The following NECAB1 variants were observed in gnomAD, a reference collection of about 807,000 sequenced individuals.
NECAB1 encodes N-terminal EF-hand calcium binding protein 1, also known as N-terminal EF-hand calcium-binding protein 1.
NECAB1 carries 29 observed loss-of-function variants against 57.5 expected under a neutral mutation model. The observed-to-expected ratio is 0.50, with a 90% CI of 0.38 to 0.69. NECAB1 has a LOEUF of 0.69. NECAB1 is among the 30% of genes least tolerant of loss of function. NECAB1 has a pLI of 0.00. For synonymous variants in NECAB1, 142 were observed against 147.7 expected, an observed-to-expected ratio of 0.96 and a Z score of 0.28; for missense variants, 372 against 413.8, an observed-to-expected ratio of 0.90 and a Z score of 0.88.
chr8:90,860,547 A>G (rs1488654716), intron 3 of NECAB1, among the ~76,000 whole-genome samples: 1 of 152,142 alleles, frequency 6.6e-6, no homozygotes, highest in Non-Finnish European at 1.5e-5. Flanking sequence ...TCAAGGATAG[A>G]TTTAGGACAT....
intron 5 of NECAB1, among the ~76,000 whole-genome samples, chr8:90,892,546 T>C (rs1345231951): frequency 6.6e-6 from 1 of 152,250 alleles, no homozygotes; most frequent in African/African-American, 2.4e-5. Flanking sequence ...GTCATATTTG[T>C]ACCCCCTTTA....
chr8:90,875,282 C>T (rs1417687429), intron 4 of NECAB1, among the ~76,000 whole-genome samples: 1 of 149,888 alleles, frequency 6.7e-6, no homozygotes, highest in Non-Finnish European at 1.5e-5. Flanking sequence ...GAGATCGAGA[C>T]CATCCTGGCT....
chr8:90,813,412 A>G (rs982813906), intron 2 of NECAB1, among the ~76,000 whole-genome samples: 3 of 152,074 alleles, frequency 2.0e-5, no homozygotes, highest in African/African-American at 7.2e-5. Context: ...TTATATTTCA[A>G]TATCTAATAT....
intron 5 of NECAB1, among the ~76,000 whole-genome samples, chr8:90,910,268 T>A (rs1021806996): frequency 6.6e-6 from 1 of 152,158 alleles, no homozygotes; most frequent in Non-Finnish European, 1.5e-5. Flanking sequence ...GGGTCTGTTT[T>A]GTCATCTTGT....
intron 1 of NECAB1, among the ~76,000 whole-genome samples, chr8:90,793,019 G>C (rs940892314): frequency 6.6e-6 from 1 of 152,166 alleles, no homozygotes; most frequent in South Asian, 2.1e-4. Flanking sequence ...ATGGAGGAGT[G>C]CTACGTGCTC....
rs565703642 is a variant in NECAB1 at position 90,935,790 on chromosome 8, G to A, written c.747+1433G>A. 4.6e-5 allele frequency among the ~76,000 whole-genome samples: 7 copies of A among 152,188 alleles called. No individual in the cohort carries two copies. In the South Asian group the frequency reaches 1.5e-3, roughly 32 times the overall value. ...AAAGGAGGCAGCTATTCCATTTGCA[G>A]GTCCCTGAGCAGCCAAAGCCAAGGC... On this transcript the variant is annotated intron_variant, in intron 9 of 12. Transcript: ENST00000417640.
intron 3 of NECAB1, among the ~76,000 whole-genome samples, chr8:90,832,049 A>T (rs1024514497): frequency 6.6e-6 from 1 of 152,110 alleles, no homozygotes; most frequent in African/African-American, 2.4e-5. Flanking sequence ...TTCCATTTGG[A>T]TATTAGAACT....
At chr8:90,926,347 G>A (rs1045645315) in intron 7 of NECAB1, among the ~76,000 whole-genome samples, 2 of 152,074 alleles carry the variant, frequency 1.3e-5, no homozygotes, top group Admixed American at 6.5e-5. Flanking sequence ...TTCACCAACT[G>A]TACTTGAAAG....
intron 1 of NECAB1, among the ~76,000 whole-genome samples, chr8:90,793,621 G>A (rs1005196284): frequency 2.0e-5 from 3 of 152,176 alleles, no homozygotes; most frequent in African/African-American, 4.8e-5. Flanking sequence ...TGAAAAGTCA[G>A]GGCCCCTGGA....
intron 5 of NECAB1, among the ~76,000 whole-genome samples, chr8:90,912,929 T>C (rs1809863087): frequency 6.6e-6 from 1 of 152,190 alleles, no homozygotes; most frequent in African/African-American, 2.4e-5. Context: ...TACACAAGAA[T>C]GGCGAGAGCT....
At chr8:90,880,970 T>C in intron 4 of NECAB1, 63 bp from the exon 5 acceptor site, 4 of 1,220,026 alleles carry the variant, frequency 3.3e-6, no homozygotes, top group Non-Finnish European at 3.5e-6. Flanking sequence ...AATTAGTTGA[T>C]TTTTTTGTTT....
intron 6 of NECAB1, among the ~76,000 whole-genome samples, chr8:90,922,368 AATTTCACAAACAG>A: frequency 6.6e-6 from 1 of 152,146 alleles, no homozygotes; most frequent in African/African-American, 2.4e-5. Context: ...GAAAAGCTTT[AATTTCACAAACAG>A]GTGGTTATAA....
At chr8:90,920,934 T>C (rs1810093059) in intron 6 of NECAB1, among the ~76,000 whole-genome samples, 1 of 152,208 alleles carries the variant, frequency 6.6e-6, no homozygotes, top group Admixed American at 6.5e-5. Context: ...CCCAGAACAC[T>C]GAGGAGACCA....
At chr8:90,906,473 A>C (rs192720122) in intron 5 of NECAB1, among the ~76,000 whole-genome samples, 25 of 152,256 alleles carry the variant, frequency 1.6e-4, no homozygotes, top group African/African-American at 5.3e-4. Flanking sequence ...AAAAGTTGTT[A>C]AAATCTGGAA....
intron 12 of NECAB1, among the ~76,000 whole-genome samples, chr8:90,954,891 T>C (rs968038234): frequency 1.3e-4 from 19 of 147,422 alleles, no homozygotes; most frequent in African/African-American, 3.9e-4. Context: ...ATTATGTGTA[T>C]GCATATGCAT....
chr8:90,894,898 T>A (rs978712476), intron 5 of NECAB1, among the ~76,000 whole-genome samples: 5 of 152,190 alleles, frequency 3.3e-5, no homozygotes, highest in Admixed American at 2.0e-4. Context: ...AGATAATAAG[T>A]GTAAGTGCTT....
intron 5 of NECAB1, among the ~76,000 whole-genome samples, chr8:90,915,703 CAAGGAAG>C (rs1809934430): frequency 6.6e-6 from 1 of 152,118 alleles, no homozygotes; most frequent in Non-Finnish European, 1.5e-5. Context: ...AGTTGAGGAG[CAAGGAAG>C]CCAGTGGTGG....
At chr8:90,903,177 T>C (rs1006939857) in intron 5 of NECAB1, among the ~76,000 whole-genome samples, 1 of 152,048 alleles carries the variant, frequency 6.6e-6, no homozygotes, top group Non-Finnish European at 1.5e-5. Flanking sequence ...TTATATACCA[T>C]AAAATTAACC....
At chr8:90,913,613 A>G (rs75064742) in intron 5 of NECAB1, among the ~76,000 whole-genome samples, 1,529 of 152,330 alleles carry the variant, frequency 0.01, 24 homozygotes, top group African/African-American at 0.035. Flanking sequence ...CCAACATACC[A>G]GTCTTTTGGG....
Sources: gnomAD v4.1 joint callset for allele counts (sites outside exome capture counted in the v4.1 genomes callset) on GRCh38, gnomAD v4.1.1 for gene constraint, MANE v1.5 for transcripts, NCBI Gene and HGNC (gene_info 2026-07-23, HGNC 2026-07-21) for gene names.